Variants in UNC5C observed in about 807,000 individuals in gnomAD.
The protein encoded by UNC5C is unc-5 netrin receptor C, also known as netrin receptor UNC5C.
UNC5C carries 47 observed loss-of-function variants against 99.8 expected under a neutral mutation model. The observed-to-expected ratio is 0.47, with a 90% CI of 0.37 to 0.60. UNC5C has a LOEUF of 0.60. UNC5C is among the 20% of genes least tolerant of loss of function. The pLI, the probability that UNC5C is intolerant of heterozygous loss-of-function variation, is 0.00. For synonymous variants in UNC5C, 487 were observed against 452.2 expected (o/e 1.08, Z -0.98); for missense variants, 1,062 against 1,165.9 (o/e 0.91, Z 1.30).
intron 1 of UNC5C, among the ~76,000 whole-genome samples, chr4:95,445,907 C>T (rs978229858): frequency 6.6e-6 from 1 of 151,868 alleles, no homozygotes; most frequent in Non-Finnish European, 1.5e-5. Flanking sequence ...TAAGATAGCA[C>T]CACCGGAAGT....
At chr4:95,263,470 G>A (rs1315023052) in intron 4 of UNC5C, among the ~76,000 whole-genome samples, 1 of 152,150 alleles carries the variant, frequency 6.6e-6, no homozygotes, top group Non-Finnish European at 1.5e-5. Context: ...GCTGAGAACT[G>A]GGAAGACTAA....
chr4:95,348,508 C>T (rs892395517), intron 1 of UNC5C, among the ~76,000 whole-genome samples: 5 of 151,272 alleles, frequency 3.3e-5, no homozygotes, highest in African/African-American at 1.2e-4. Context: ...TTGAAAGCAA[C>T]CTGTGTCCAT....
intron 14 of UNC5C, among the ~76,000 whole-genome samples, chr4:95,170,675 C>T (rs1267863772): frequency 6.6e-6 from 1 of 152,072 alleles, no homozygotes; most frequent in African/African-American, 2.4e-5. Flanking sequence ...TATCAGAGCT[C>T]CTAAAGGTTT....
chr4:95,218,424 G>A (rs1025535870), intron 9 of UNC5C, among the ~76,000 whole-genome samples: 4 of 152,112 alleles, frequency 2.6e-5, no homozygotes, highest in African/African-American at 7.2e-5. Context: ...GGTGATTCTG[G>A]ATACAAATAT....
At chr4:95,270,876 A>G (rs1382464222) in intron 4 of UNC5C, among the ~76,000 whole-genome samples, 1 of 152,218 alleles carries the variant, frequency 6.6e-6, no homozygotes, top group Non-Finnish European at 1.5e-5. Flanking sequence ...AGTTTTTACT[A>G]TAAACTTGCC....
chr4:95,181,121 A>G (rs542332026), intron 14 of UNC5C, among the ~76,000 whole-genome samples: 28 of 152,148 alleles, frequency 1.8e-4, no homozygotes, highest in Admixed American at 1.2e-3. Context: ...GTGCCCCTTA[A>G]TCCCCCAAAG....
chr4:95,164,941 G>C lies in UNC5C; in HGVS notation c.*4293C>G, dbSNP rs1735804757. ...TTTATATTTTCCTGGCCCCATAGGG[G>C]CAGACCTTATAGAGGCAAAGACCTT... On this transcript the variant is annotated 3_prime_UTR_variant, in exon 16 of 16. Coordinates refer to ENST00000453304, the MANE Select transcript of UNC5C (RefSeq NM_003728.4). 1 of 152,250 alleles carries C rather than the reference G, an allele frequency of 6.6e-6. No homozygotes were observed. The highest frequency in any genetic ancestry group is 1.5e-5 in the Non-Finnish European group (1 of 68,054). 9.4% of individuals were successfully genotyped at this position (152,250 alleles called of 1,614,324 possible). A position where few individuals can be genotyped will look rare whatever the true frequency, so the allele number is the denominator to read the frequency against.
chr4:95,262,201 T>C (rs915253619), intron 4 of UNC5C, among the ~76,000 whole-genome samples: 2 of 152,170 alleles, frequency 1.3e-5, no homozygotes, highest in East Asian at 1.9e-4. Context: ...CGACAAATCC[T>C]TTTTGCAAAT....
chr4:95,548,878 G>A lies in UNC5C; in HGVS notation c.-21C>T. On this transcript the variant is annotated 5_prime_UTR_variant, in exon 1 of 16. Coordinates refer to ENST00000453304, the MANE Select transcript of UNC5C (RefSeq NM_003728.4). ...CTCATCGTAGACAGAGGTGTGCCGG[G>A]GGGAGGGGAGGGGGACAGAGAGACG... 3 of 1,611,318 alleles carry A rather than the reference G, an allele frequency of 1.9e-6. No individual in the cohort carries two copies. The highest frequency in any genetic ancestry group is 2.5e-6 in the Non-Finnish European group (3 of 1,179,146).
intron 2 of UNC5C, among the ~76,000 whole-genome samples, chr4:95,320,666 AG>A (rs1055062608): frequency 6.6e-6 from 1 of 152,150 alleles, no homozygotes; most frequent in Non-Finnish European, 1.5e-5. Flanking sequence ...CCGTTTCAGT[AG>A]CATGTTATCT....
Position 95,164,074 on chromosome 4 carries a change from G to A in UNC5C, c.*5160C>T, listed in dbSNP as rs531085816. On this transcript the variant is annotated 3_prime_UTR_variant, in exon 16 of 16. Coordinates refer to ENST00000453304, the MANE Select transcript of UNC5C (RefSeq NM_003728.4). ...GGAAAACCTAGGAACCATGACTTAT[G>A]AAGACTGGCTGTTAAAGTAGCATTT... 1.3e-5 allele frequency: 2 copies of A among 152,270 alleles called. No individual in the cohort carries two copies. The highest frequency in any genetic ancestry group is 1.3e-4 in the Admixed American group (2 of 15,286). The allele number at this position is 152,270 out of a possible 1,614,324, so 9.4% of individuals were successfully genotyped here. A position where few individuals can be genotyped will look rare whatever the true frequency, so the allele number is the denominator to read the frequency against.
chr4:95,381,184 G>C (rs1383774343), intron 1 of UNC5C, among the ~76,000 whole-genome samples: 6 of 152,166 alleles, frequency 3.9e-5, no homozygotes, highest in Non-Finnish European at 8.8e-5. Flanking sequence ...TATAGGTACA[G>C]AGTGAGATGT....
intron 6 of UNC5C, 111 bp from the exon 7 acceptor site, chr4:95,242,704 C>T: frequency 8.4e-7 from 1 of 1,186,112 alleles, no homozygotes; most frequent in Non-Finnish European, 1.1e-6. Context: ...GCATGCCCTA[C>T]TGAGAAGCAC....
intron 1 of UNC5C, among the ~76,000 whole-genome samples, chr4:95,379,204 T>C (rs910563101): frequency 2.0e-5 from 3 of 152,156 alleles, no homozygotes; most frequent in Admixed American, 2.0e-4. Flanking sequence ...TTCACTTAAG[T>C]CTTAACGTAC....
intron 12 of UNC5C, among the ~76,000 whole-genome samples, chr4:95,202,110 C>T (rs17350304): frequency 0.078 from 11,902 of 152,272 alleles, 597 homozygotes; most frequent in Non-Finnish European, 0.11. Context: ...ATGTCAGCCA[C>T]TGTGGCATTT....
At chr4:95,491,027 T>C (rs147436123) in intron 1 of UNC5C, among the ~76,000 whole-genome samples, 1 of 151,626 alleles carries the variant, frequency 6.6e-6, no homozygotes, top group Non-Finnish European at 1.5e-5. Context: ...TTAATACATG[T>C]CTGTTGAATG....
rs532834582 is a variant in UNC5C at position 95,163,391 on chromosome 4, A to G, written c.*5843T>C. ...ATGTAGCTCAGGTCCCCATTCTCTG[A>G]TGCTGCCTCCATAGTGCTCAGGATC... On this transcript the variant is annotated 3_prime_UTR_variant, in exon 16 of 16. Coordinates refer to ENST00000453304, the MANE Select transcript of UNC5C (RefSeq NM_003728.4). The G allele has an allele frequency of 6.6e-6, 1 of 152,322 alleles. No homozygotes were observed. Among genetic ancestry groups the G allele is most frequent in the South Asian group, 2.1e-4 (1 of 4,822 alleles). 9.4% of individuals were successfully genotyped at this position (152,322 alleles called of 1,614,324 possible).
chr4:95,256,383 T>C (rs527523116), intron 4 of UNC5C, among the ~76,000 whole-genome samples: 25 of 152,268 alleles, frequency 1.6e-4, no homozygotes, highest in African/African-American at 5.5e-4. Context: ...ATGCCAACTG[T>C]AGCCTTCCAA....
intron 1 of UNC5C, among the ~76,000 whole-genome samples, chr4:95,406,146 C>A (rs923478889): frequency 3.9e-5 from 6 of 152,148 alleles, no homozygotes; most frequent in African/African-American, 1.4e-4. Context: ...AACAAATCGA[C>A]TTTTATGCTA....
Sources: allele counts gnomAD v4.1 joint callset (sites outside exome capture counted in the v4.1 genomes callset), GRCh38; gene constraint gnomAD v4.1.1; transcripts MANE v1.5; gene names NCBI Gene and HGNC (gene_info 2026-07-23, HGNC 2026-07-21).